The following MME variants were observed in gnomAD, a reference collection of about 807,000 sequenced individuals.
MME encodes the protein membrane metalloendopeptidase.
In MME, 98 loss-of-function variants were observed where a neutral mutation model predicts 113.2. The ratio of observed to expected loss-of-function variants is 0.87; its 90% CI spans 0.74 to 1.02. The LOEUF (loss-of-function observed/expected upper bound fraction) is 1.02, where lower values mean the gene tolerates loss of function less well. MME is among the 50% of genes least tolerant of loss of function. MME has a pLI of 0.00. For missense variants in MME, 836 were observed against 896.0 expected, an observed-to-expected ratio of 0.93 and a Z score of 0.86; for synonymous variants, 292 against 300.6, an observed-to-expected ratio of 0.97 and a Z score of 0.30.
chr3:155,102,528 A>G (rs1348557042), intron 3 of MME, among the ~76,000 whole-genome samples: 1 of 152,166 alleles, frequency 6.6e-6, no homozygotes, highest in African/African-American at 2.4e-5. Context: ...CCCTTCCTGG[A>G]TTCATGGAAA....
intron 20 of MME, 34 bp downstream of exon 20, chr3:155,168,831 A>G: frequency 6.5e-7 from 1 of 1,541,074 alleles, no homozygotes; most frequent in Non-Finnish European, 9.0e-7. Context: ...CATTTTAGTG[A>G]TTTAGAGTGT....
At chr3:155,092,001 C>T (rs1302284310) in intron 3 of MME, among the ~76,000 whole-genome samples, 2 of 152,038 alleles carry the variant, frequency 1.3e-5, no homozygotes, top group Non-Finnish European at 2.9e-5. Flanking sequence ...ATCCAAAGGC[C>T]CAAGAACCTG....
chr3:155,113,433 C>G (rs1718348557), intron 3 of MME, among the ~76,000 whole-genome samples: 2 of 152,146 alleles, frequency 1.3e-5, no homozygotes, highest in Admixed American at 1.3e-4. Context: ...GTGCCTGCCA[C>G]CATGGGCAGC....
Position 155,180,692 on chromosome 3 carries a change from C to T in MME, c.*233C>T. 1 of 503,142 alleles carries T rather than the reference C, an allele frequency of 2.0e-6. No homozygotes were observed. 31.2% of individuals were successfully genotyped at this position (503,142 alleles called of 1,614,324 possible). On this transcript the variant is annotated 3_prime_UTR_variant, in exon 23 of 23. Coordinates refer to ENST00000360490, the MANE Select transcript of MME (RefSeq NM_007289.4). ...ATCATTTCTCACTGTGTACATAATG[C>T]TTAATTTCTAAAGATAATATTACTG...
At chr3:155,155,149 G>T (rs1042314482) in intron 16 of MME, among the ~76,000 whole-genome samples, 1 of 152,152 alleles carries the variant, frequency 6.6e-6, no homozygotes, top group African/African-American at 2.4e-5. Flanking sequence ...TTTGATGAGG[G>T]ATTCTGTTTT....
rs760364668 is a variant in MME, at chr3:155,143,567, A to G, written c.1313A>G (p.His438Arg). The G allele has an allele frequency of 1.1e-5, 18 of 1,611,662 alleles. No individual in the cohort carries two copies. In the South Asian group the frequency reaches 1.4e-4, roughly 13 times the overall value. The change falls in exon 13 of 23, where the codon CAT (histidine) becomes CGT (arginine). Residue 438 changes from histidine (H) to arginine (R), a missense_variant. Transcript: ENST00000360490. ...GCAGCATTTGCTGGAGAGAGTAAACATGTGGTAATGTTTTCAGAATAATAC... is the reference window on the plus strand; with the variant it reads ...GCAGCATTTGCTGGAGAGAGTAAACGTGTGGTAATGTTTTCAGAATAATAC... ...VEAAFAGESKHVVEDLIAQIR... is the reference protein window; with the variant it reads ...VEAAFAGESKRVVEDLIAQIR...
intron 1 of MME, among the ~76,000 whole-genome samples, chr3:155,059,561 C>T (rs995258719): frequency 2.0e-5 from 3 of 151,982 alleles, no homozygotes; most frequent in African/African-American, 4.8e-5. Context: ...TAACTTGCAT[C>T]GAGGAGACAA....
intron 1 of MME, among the ~76,000 whole-genome samples, chr3:155,040,095 G>A (rs2108119585): frequency 6.6e-6 from 1 of 152,172 alleles, no homozygotes; most frequent in Admixed American, 6.5e-5. Flanking sequence ...TTTTTCCAAG[G>A]CCAGCTGGAT....
At chr3:155,057,219 G>A (rs1239374574) in intron 1 of MME, among the ~76,000 whole-genome samples, 1 of 151,962 alleles carries the variant, frequency 6.6e-6, no homozygotes, top group African/African-American at 2.4e-5. Flanking sequence ...CTAATATCCA[G>A]AATCTACAAT....
intron 1 of MME, among the ~76,000 whole-genome samples, chr3:155,050,865 T>C (rs1713739236): frequency 6.6e-6 from 1 of 152,204 alleles, no homozygotes; most frequent in African/African-American, 2.4e-5. Context: ...TTTGCTTGTG[T>C]TGCAACTGCT....
intron 3 of MME, chr3:155,089,834 G>A (rs1716120574): frequency 2.2e-6 from 1 of 452,298 alleles, no homozygotes; most frequent in East Asian, 7.0e-5. Flanking sequence ...AAAAATCCAG[G>A]CATGGTAGCA....
At chr3:155,155,351 C>T (rs927456214) in intron 16 of MME, among the ~76,000 whole-genome samples, 1 of 152,172 alleles carries the variant, frequency 6.6e-6, no homozygotes, top group Non-Finnish European at 1.5e-5. Context: ...AATTCTGATA[C>T]ATTTATTTCA....
At chr3:155,174,099 C>T (rs1712263916) in intron 22 of MME, among the ~76,000 whole-genome samples, 1 of 151,860 alleles carries the variant, frequency 6.6e-6, no homozygotes, top group African/African-American at 2.4e-5. Context: ...TCAGTCAAGG[C>T]TTTTTTGGTG....
intron 1 of MME, among the ~76,000 whole-genome samples, chr3:155,033,430 G>A (rs1400143092): frequency 1.3e-5 from 2 of 152,080 alleles, no homozygotes; most frequent in African/African-American, 4.8e-5. Context: ...TTCAAAAACT[G>A]TTTTCTATTC....
intron 16 of MME, among the ~76,000 whole-genome samples, chr3:155,149,862 A>G (rs1721796243): frequency 6.6e-6 from 1 of 152,214 alleles, no homozygotes. Flanking sequence ...CTAAGTTCAT[A>G]TTGGAACAAA....
intron 15 of MME, 126 bp downstream of exon 15, chr3:155,147,350 C>T: frequency 1.4e-6 from 1 of 695,566 alleles, no homozygotes; most frequent in Non-Finnish European, 2.7e-6. Context: ...TATATAAAGC[C>T]TTCAACGCTG....
chr3:155,089,635 G>A (rs900872578), intron 3 of MME, among the ~76,000 whole-genome samples: 8 of 152,136 alleles, frequency 5.3e-5, no homozygotes, highest in Non-Finnish European at 7.3e-5. Context: ...CCCTCTTAAC[G>A]GTAGGCAGGA....
At chr3:155,110,296 T>C (rs1025813439) in intron 3 of MME, among the ~76,000 whole-genome samples, 1 of 152,214 alleles carries the variant, frequency 6.6e-6, no homozygotes, top group Non-Finnish European at 1.5e-5. Flanking sequence ...GGCCCCATAA[T>C]TTACTAGCTG....
Position 155,084,275 on chromosome 3 carries a change from G to C in MME, c.108G>C (p.Leu36=). 6.2e-7 allele frequency: 1 copy of C among 1,614,118 alleles called. No homozygotes were observed. The highest frequency in any genetic ancestry group is 1.1e-5 in the South Asian group (1 of 91,076). Residue 36 remains leucine, a synonymous_variant, in exon 2 of 23, where the codon CTG becomes CTC. Transcript: ENST00000360490. ...PLEISLSVLV[L]LLTIIAVTMI... Reference sequence around the variant, plus strand: ...AGATCAGCCTCTCGGTCCTTGTCCTGCTCCTCACCATCATAGCTGTGACAA... The same window carrying C: ...AGATCAGCCTCTCGGTCCTTGTCCTCCTCCTCACCATCATAGCTGTGACAA...
Sources: gnomAD v4.1 joint callset for allele counts (sites outside exome capture counted in the v4.1 genomes callset) on GRCh38, gnomAD v4.1.1 for gene constraint, MANE v1.5 for transcripts, NCBI Gene and HGNC (gene_info 2026-07-23, HGNC 2026-07-21) for gene names.